CCK: variants seen among roughly 807,000 people sequenced by gnomAD.
CCK encodes the protein cholecystokinin.
Under a neutral mutation model 10.1 loss-of-function variants are expected in CCK, and 11 were observed. The observed-to-expected ratio is 1.09, with a 90% CI of 0.69 to 1.81. The LOEUF is 1.81. Ranked by LOEUF, CCK falls within the 40% of genes most tolerant of loss-of-function variation. The probability of loss-of-function intolerance (pLI) is 0.00; values close to 1 mark genes in which losing one functional copy is unlikely to be tolerated. For synonymous variants in CCK, 83 were observed against 71.9 expected, an observed-to-expected ratio of 1.15 and a Z score of -0.78; for missense variants, 137 against 159.9, an observed-to-expected ratio of 0.86 and a Z score of 0.77.
intron 3 of CCK, among the ~76,000 whole-genome samples, chr3:42,264,478 G>A (rs1310331216): frequency 6.6e-6 from 1 of 152,162 alleles, no homozygotes; most frequent in African/African-American, 2.4e-5. Context: ...ATCCCTTAAT[G>A]ATGCTGGCGT....
Position 42,258,043 on chromosome 3 carries a change from T to C in CCK, c.*55A>G. On this transcript the variant is annotated 3_prime_UTR_variant, in exon 5 of 5. Coordinates refer to ENST00000396169, the MANE Select transcript of CCK (RefSeq NM_000729.6). ...TATGAGTGTGATTGTTTTCTTATTC[T>C]GCCTCCTCTGGGTTGGGAGGTTGCT... 1 of 1,548,850 alleles carries C rather than the reference T, an allele frequency of 6.5e-7. No individual in the cohort carries two copies. The highest frequency in any genetic ancestry group is 8.7e-7 in the Non-Finnish European group (1 of 1,145,084).
rs978522703 is a variant in CCK, at chr3:42,257,917, G to A, written c.*181C>T. 8.6e-6 allele frequency: 5 copies of A among 578,514 alleles called. No homozygotes were observed. The African/African-American group carries it at 9.4e-5, about 11-fold the overall frequency. The allele number at this position is 578,514 out of a possible 1,614,324, so 35.8% of individuals were successfully genotyped here. A position where few individuals can be genotyped will look rare whatever the true frequency, so the allele number is the denominator to read the frequency against. On this transcript the variant is annotated 3_prime_UTR_variant, in exon 5 of 5. Transcript: ENST00000396169. ...TTTGTCTTCCATTTGCACAATTCTGGTGAGGTGTGTGGTTGCACTGGACAA... is the reference window on the plus strand; with the variant it reads ...TTTGTCTTCCATTTGCACAATTCTGATGAGGTGTGTGGTTGCACTGGACAA...
intron 4 of CCK, 54 bp from the exon 5 acceptor site, chr3:42,258,285 A>G: frequency 6.3e-7 from 1 of 1,583,362 alleles, no homozygotes. Context: ...AAGCATCTCT[A>G]GTTCAATTTG....
intron 4 of CCK, among the ~76,000 whole-genome samples, chr3:42,262,217 C>CTT (rs11298401): frequency 0.015 from 1,487 of 101,202 alleles, 33 homozygotes; most frequent in African/African-American, 0.038. Context: ...TTGCTAAGTT[C>CTT]TTTTTTTTTT....
intron 4 of CCK, 129 bp from the exon 5 acceptor site, chr3:42,258,360 G>C: frequency 2.0e-6 from 2 of 1,012,384 alleles, no homozygotes; most frequent in Non-Finnish European, 2.9e-6. Flanking sequence ...GTATCAAAGA[G>C]CTATCAAAGT....
intron 4 of CCK, among the ~76,000 whole-genome samples, chr3:42,262,469 C>T (rs575495366): frequency 2.6e-5 from 4 of 152,274 alleles, no homozygotes; most frequent in African/African-American, 7.2e-5. Flanking sequence ...ATCCACCTGC[C>T]TCAGCCCCCC....
chr3:42,258,328 T>C (rs1014429677), intron 4 of CCK, 97 bp from the exon 5 acceptor site: 3 of 1,327,254 alleles, frequency 2.3e-6, no homozygotes, highest in African/African-American at 1.5e-5. Flanking sequence ...CCAGACGCAA[T>C]ATAACAGACA....
chr3:42,263,712 G>T, intron 3 of CCK, 80 bp from the exon 4 acceptor site: 1 of 1,455,316 alleles, frequency 6.9e-7, no homozygotes, highest in Non-Finnish European at 9.1e-7. Flanking sequence ...GCACCCAGAA[G>T]CGGGCTTAGG....
chr3:42,262,302 C>A (rs1022337455), intron 4 of CCK, among the ~76,000 whole-genome samples: 4 of 150,910 alleles, frequency 2.7e-5, no homozygotes, highest in Admixed American at 2.6e-4. Flanking sequence ...CTCACTGCAA[C>A]CTCCACCTCC....
intron 2 of CCK, 165 bp downstream of exon 2, chr3:42,265,104 C>T (rs1711267642): frequency 6.7e-6 from 1 of 149,776 alleles, no homozygotes; most frequent in South Asian, 2.2e-4. Flanking sequence ...GGAGAAGCTG[C>T]CGCTAGCTTA....
At chr3:42,263,866 A>G in intron 3 of CCK, 1 of 554,114 alleles carries the variant, frequency 1.8e-6, no homozygotes. Context: ...CAAGGGGCAG[A>G]GACCCTGTTT....
At chr3:42,264,377 T>C (rs1302293682) in intron 3 of CCK, among the ~76,000 whole-genome samples, 2 of 152,272 alleles carry the variant, frequency 1.3e-5, no homozygotes, top group Non-Finnish European at 2.9e-5. Flanking sequence ...CCCTCTAATA[T>C]TTTATTAGAA....
chr3:42,258,154 T>C lies in CCK; in HGVS notation c.292A>G (p.Met98Val), dbSNP rs1711162211. The change falls in exon 5 of 5, where the codon ATG (methionine) becomes GTG (valine). Residue 98 changes from methionine to valine, a missense_variant. By Grantham distance (21) the Met-to-Val change is conservative. Coordinates refer to ENST00000396169, the MANE Select transcript of CCK (RefSeq NM_000729.6). The stretch of plus-strand genomic sequence containing the variant: ...CGACGGCCAAAATCCATCCAGCCCA[T>C]GTAGTCCCGGTCACTTATCCTGTGG... ...PSHRISDRDY[M>V]GWMDFGRRSA... The C allele has an allele frequency of 1.2e-6, 2 of 1,614,044 alleles. No homozygotes were observed. The highest frequency in any genetic ancestry group is 8.5e-7 in the Non-Finnish European group (1 of 1,180,048).
chr3:42,258,749 TTGG>T (rs1442603706), intron 4 of CCK, among the ~76,000 whole-genome samples: 1 of 152,150 alleles, frequency 6.6e-6, no homozygotes, highest in Non-Finnish European at 1.5e-5. Flanking sequence ...AAAAAAATCG[TTGG>T]TGGGAGTGTA....
chr3:42,264,620 TG>T (rs925570002), intron 3 of CCK, 76 bp downstream of exon 3: 2 of 151,872 alleles, frequency 1.3e-5, no homozygotes, highest in African/African-American at 4.8e-5. Flanking sequence ...ATAATGGAAA[TG>T]GGCACAAAGC....
chr3:42,265,200 G>A (rs1448097437), intron 2 of CCK, 69 bp downstream of exon 2: 7 of 152,336 alleles, frequency 4.6e-5, no homozygotes, highest in Non-Finnish European at 7.3e-5. Flanking sequence ...GCATCAGCAA[G>A]GCGTGATTCT....
At chr3:42,265,207 T>A (rs1711269806) in intron 2 of CCK, 62 bp downstream of exon 2, 1 of 152,216 alleles carries the variant, frequency 6.6e-6, no homozygotes, top group Non-Finnish European at 1.5e-5. Context: ...CAAGGCGTGA[T>A]TCTGAAAGGG....
chr3:42,262,439 C>T (rs1205380394), intron 4 of CCK, among the ~76,000 whole-genome samples: 1 of 152,044 alleles, frequency 6.6e-6, no homozygotes, highest in Non-Finnish European at 1.5e-5. Context: ...AGGCTGGTCT[C>T]GAACTCCTGA....
At chr3:42,263,797 G>T in intron 3 of CCK, 165 bp from the exon 4 acceptor site, 2 of 1,236,410 alleles carry the variant, frequency 1.6e-6, no homozygotes, top group Non-Finnish European at 2.1e-6. Context: ...CCAGCCGAGT[G>T]CCATGGCGCG....
Sources: allele counts gnomAD v4.1 joint callset (sites outside exome capture counted in the v4.1 genomes callset), GRCh38; gene constraint gnomAD v4.1.1; transcripts MANE v1.5; gene names NCBI Gene and HGNC (gene_info 2026-07-23, HGNC 2026-07-21).